DLG5: variants seen among roughly 807,000 people sequenced by gnomAD.
The protein encoded by DLG5 is disks large homolog 5.
In DLG5, 48 loss-of-function variants were observed where a neutral mutation model predicts 189.8. That is an observed-to-expected ratio of 0.25 (90% CI 0.20 to 0.32). The LOEUF is 0.32. Ranked by LOEUF, DLG5 falls within the 10% of genes least tolerant of loss-of-function variation. The pLI, the probability that DLG5 is intolerant of heterozygous loss-of-function variation, is 1.00. For missense variants in DLG5, 2,160 were observed against 2,544.7 expected (o/e 0.85, Z 3.25); for synonymous variants, 1,016 against 1,054.1 (o/e 0.96, Z 0.70).
chr10:77,838,161 A>G (rs1843240008), intron 7 of DLG5, among the ~76,000 whole-genome samples: 1 of 152,192 alleles, frequency 6.6e-6, no homozygotes, highest in Non-Finnish European at 1.5e-5. Flanking sequence ...CTCCTCAAGC[A>G]GGACCTGTAG....
At chr10:77,909,866 G>A (rs749619580) in intron 1 of DLG5, among the ~76,000 whole-genome samples, 2 of 152,084 alleles carry the variant, frequency 1.3e-5, no homozygotes, top group Non-Finnish European at 2.9e-5. Context: ...TCCCAACTCA[G>A]TGTCCACGGG....
chr10:77,835,117 G>A (rs1024497932), intron 8 of DLG5, among the ~76,000 whole-genome samples: 7 of 151,894 alleles, frequency 4.6e-5, no homozygotes, highest in African/African-American at 7.3e-5. Context: ...CCCTCCCCAC[G>A]ACTTGCCCAC....
chr10:77,828,861 G>A, intron 13 of DLG5, 21 bp downstream of exon 13: 3 of 1,594,816 alleles, frequency 1.9e-6, no homozygotes, highest in Non-Finnish European at 2.6e-6. Flanking sequence ...AGATGACCCT[G>A]GCTCCAGCCT....
At chr10:77,919,475 T>C (rs942248700) in intron 1 of DLG5, among the ~76,000 whole-genome samples, 2 of 150,938 alleles carry the variant, frequency 1.3e-5, no homozygotes, top group Non-Finnish European at 2.9e-5. Flanking sequence ...CTCAACCTCT[T>C]CTGTTTTGAC....
rs1426941522 is a variant in DLG5 at position 77,795,073 on chromosome 10, G to A, written c.5437-115C>T. The A allele has an allele frequency of 1.3e-5, 10 of 745,152 alleles. No individual in the cohort carries two copies. In the Admixed American group the frequency reaches 1.7e-4, roughly 13 times the overall value. The allele number at this position is 745,152 out of a possible 1,614,324, so 46.2% of individuals were successfully genotyped here. ...CAGGGCTCTACCCACAAACAAGGCA[G>A]TAAAGCCACACAGTACACCGTGGGG... is the stretch of plus-strand genomic sequence containing the variant. On this transcript the variant is annotated intron_variant, in intron 29 of 31. Coordinates refer to ENST00000372391, the MANE Select transcript of DLG5 (RefSeq NM_004747.4).
chr10:77,830,975 A>G (rs1842870992), intron 9 of DLG5, 102 bp from the exon 10 acceptor site: 1 of 1,366,262 alleles, frequency 7.3e-7, no homozygotes, highest in African/African-American at 1.4e-5. Flanking sequence ...AAACAGCTAA[A>G]ATGGGTTCCT....
At chr10:77,795,107 C>T in intron 29 of DLG5, 149 bp from the exon 30 acceptor site, 1 of 618,838 alleles carries the variant, frequency 1.6e-6, no homozygotes. Context: ...GGAAACCATA[C>T]CCACGAAACT....
intron 5 of DLG5, among the ~76,000 whole-genome samples, chr10:77,847,507 A>C (rs891013625): frequency 6.6e-6 from 1 of 152,146 alleles, no homozygotes; most frequent in Non-Finnish European, 1.5e-5. Flanking sequence ...GGCCTGTACT[A>C]TGTAACCAAC....
In DLG5 at chr10:77,835,818, C is replaced by T; in HGVS notation, c.1542G>A (p.Gln514=). 3.7e-6 allele frequency: 6 copies of T among 1,614,142 alleles called. No homozygotes were observed. The highest frequency in any genetic ancestry group is 2.2e-5 in the East Asian group (1 of 44,888). The change falls in exon 8 of 32, where the codon CAG becomes CAA. Residue 514 remains glutamine, a synonymous_variant. Transcript: ENST00000372391. ...ALCQELKEAL[Q]EADVAKCRRD... ...GCCGGCACTTGGCCACATCCGCCTC[C>T]TGGAGGGCTTCCTTCAGCTCCTGGC...
At chr10:77,851,596 T>C (rs1450282398) in intron 5 of DLG5, among the ~76,000 whole-genome samples, 1 of 152,172 alleles carries the variant, frequency 6.6e-6, no homozygotes, top group East Asian at 1.9e-4. Flanking sequence ...GGGCCTGACC[T>C]CACACGACCA....
intron 1 of DLG5, among the ~76,000 whole-genome samples, chr10:77,880,972 T>A (rs1306489858): frequency 6.6e-5 from 9 of 136,456 alleles, no homozygotes; most frequent in African/African-American, 2.5e-4. Context: ...CTTTTTTTTT[T>A]TTTTTTTTTT....
chr10:77,904,089 G>C (rs1210178016), intron 1 of DLG5, among the ~76,000 whole-genome samples: 1 of 152,192 alleles, frequency 6.6e-6, no homozygotes, highest in African/African-American at 2.4e-5. Flanking sequence ...GGATCAGTGG[G>C]AGGATAACTT....
intron 1 of DLG5, among the ~76,000 whole-genome samples, chr10:77,873,247 A>G (rs1436921597): frequency 1.3e-5 from 2 of 152,168 alleles, no homozygotes; most frequent in African/African-American, 4.8e-5. Flanking sequence ...TACCTGGGCA[A>G]CGTAAACTCT....
Position 77,854,284 on chromosome 10 carries a change from T to C in DLG5, c.623A>G (p.Gln208Arg). The C allele has an allele frequency of 6.2e-7, 1 of 1,614,212 alleles. No homozygotes were observed. The highest frequency in any genetic ancestry group is 8.5e-7 in the Non-Finnish European group (1 of 1,180,032). ...AMSDLQSLQN[Q>R]HTNALKRCEE... Reference sequence around the variant, plus strand: ...ACACCTCTTCAAGGCGTTGGTGTGCTGGTTCTGCAGGCTCTGCAGGTCCGA... The same window carrying C: ...ACACCTCTTCAAGGCGTTGGTGTGCCGGTTCTGCAGGCTCTGCAGGTCCGA... The change falls in exon 4 of 32, where the codon CAG becomes CGG. Residue 208 changes from glutamine to arginine, a missense_variant. By Grantham distance (43) the Gln-to-Arg change is conservative (BLOSUM62 1). Transcript: ENST00000372391.
chr10:77,937,558 A>C, the DLG5 span, among the ~76,000 whole-genome samples: 1 of 152,062 alleles, frequency 6.6e-6, no homozygotes, highest in South Asian at 2.1e-4. Flanking sequence ...AGGCAAGGGA[A>C]AGTGTGCCAA....
intron 7 of DLG5, among the ~76,000 whole-genome samples, chr10:77,836,680 G>C (rs1843152679): frequency 6.6e-6 from 1 of 152,170 alleles, no homozygotes; most frequent in African/African-American, 2.4e-5. Context: ...GGAGTCAGTT[G>C]ATAATTCCCC....
rs905371581 is a variant in DLG5 at position 77,821,345 on chromosome 10, G to A, written c.3139C>T (p.Pro1047Ser). The A allele has an allele frequency of 4.3e-6, 7 of 1,613,010 alleles. No individual in the cohort carries two copies. Among genetic ancestry groups the A allele is most frequent in the East Asian group, 2.2e-5 (1 of 44,866 alleles). ...TLVGSSPSTSPPSALPPDVDP... is the reference protein window; with the variant it reads ...TLVGSSPSTSSPSALPPDVDP... ...ACGTCAGGGGGCAGGGCGCTCGGGG[G>A]ACTAGTGGATGGGGAGCTGCCCACC... Residue 1047 changes from proline (P) to serine (S), a missense_variant, in exon 15 of 32, where the codon CCC becomes TCC. By Grantham distance (74) the Pro-to-Ser change is moderately conservative. Transcript: ENST00000372391.
rs113763087 is a variant in DLG5, at chr10:77,825,264, G to T, written c.2290-788C>A. Among the ~76,000 whole-genome samples, 173 of 152,236 alleles carry T rather than the reference G, an allele frequency of 1.1e-3. 1 individual carries two copies. The highest frequency in any genetic ancestry group is 4.2e-3 in the African/African-American group (173 of 41,536). ...GGGCAGGGATGGGAGGGAGCAGGGG[G>T]TGTTACTACAAATGGGCAGTGGGAG... On this transcript the variant is annotated intron_variant, in intron 13 of 31. Transcript: ENST00000372391.
intron 1 of DLG5, among the ~76,000 whole-genome samples, chr10:77,875,625 T>C (rs2154577222): frequency 6.6e-6 from 1 of 152,286 alleles, no homozygotes; most frequent in East Asian, 1.9e-4. Context: ...TTCTGTGAAC[T>C]GCAGAGATGA....
Sources: allele counts gnomAD v4.1 joint callset (sites outside exome capture counted in the v4.1 genomes callset), GRCh38; gene constraint gnomAD v4.1.1; transcripts MANE v1.5; gene names NCBI Gene and HGNC (gene_info 2026-07-23, HGNC 2026-07-21).